Variants in PRKN observed in about 807,000 individuals in gnomAD.
The protein encoded by PRKN is parkin RBR E3 ubiquitin protein ligase.
A neutral mutation model predicts 59.5 loss-of-function variants in PRKN; 56 were observed. That is an observed-to-expected ratio of 0.94 (90% confidence interval 0.76 to 1.18). PRKN has a LOEUF of 1.18. Ranked by LOEUF, PRKN falls within the 50% of genes most tolerant of loss-of-function variation. The pLI, the probability that PRKN is intolerant of heterozygous loss-of-function variation, is 0.00. For missense variants in PRKN, 657 were observed against 596.4 expected, an observed-to-expected ratio of 1.10 and a Z score of -1.06; for synonymous variants, 250 against 222.1, an observed-to-expected ratio of 1.13 and a Z score of -1.12.
intron 1 of PRKN, chr6:162,568,753 G>C (rs1416559130): frequency 1.3e-6 from 1 of 746,508 alleles, no homozygotes; most frequent in Admixed American, 1.7e-5. Context: ...AACAACCCTA[G>C]GGGGCAGCCG....
intron 6 of PRKN, among the ~76,000 whole-genome samples, chr6:161,829,799 T>C (rs974086853): frequency 1.8e-4 from 27 of 148,030 alleles, no homozygotes; most frequent in Non-Finnish European, 3.5e-4. Context: ...CGGGAACCTG[T>C]GTATGAGGAC....
chr6:161,490,360 CCT>C (rs1216539933), intron 9 of PRKN, among the ~76,000 whole-genome samples: 30 of 141,558 alleles, frequency 2.1e-4, no homozygotes, highest in East Asian at 1.7e-3. Flanking sequence ...TCTCTCTCTC[CCT>C]CTCTCTCTCT....
rs1260064578 is a variant in PRKN, at chr6:161,362,301, C to A, written c.1168-2096G>T. ...AAGGAAACCCTTAAAGACAGCAAATCCTCCTGGTTCGGGAGGAAGGAACCT... is the reference window on the plus strand; with the variant it reads ...AAGGAAACCCTTAAAGACAGCAAATACTCCTGGTTCGGGAGGAAGGAACCT... On this transcript the variant is annotated intron_variant, in intron 10 of 11. Coordinates refer to ENST00000366898, the MANE Select transcript of PRKN (RefSeq NM_004562.3). This position sits in a 1 kb window ranked among gnomAD's most constrained non-coding sequence, Gnocchi z 5.2. Among the ~76,000 whole-genome samples the A allele has an allele frequency of 2.0e-5, 3 of 152,190 alleles. No homozygotes were observed. The highest frequency in any genetic ancestry group is 4.4e-5 in the Non-Finnish European group (3 of 68,040).
intron 1 of PRKN, among the ~76,000 whole-genome samples, chr6:162,465,622 A>G (rs957178166): frequency 6.6e-6 from 1 of 152,248 alleles, no homozygotes; most frequent in Non-Finnish European, 1.5e-5. Flanking sequence ...TAATTTCTTT[A>G]GCAATTTCAA....
intron 3 of PRKN, among the ~76,000 whole-genome samples, chr6:162,247,642 ACCAAGG>A (rs1331451013): frequency 2.6e-5 from 4 of 152,186 alleles, no homozygotes; most frequent in Non-Finnish European, 4.4e-5. Context: ...TAGAATTCTT[ACCAAGG>A]CATAGTAAAA....
Position 161,473,038 on chromosome 6 carries a change from G to C in PRKN, c.1083+75816C>G, listed in dbSNP as rs76204453. Among the ~76,000 whole-genome samples the C allele has an allele frequency of 0.011, 1,720 of 152,266 alleles. 35 individuals carry two copies. Among genetic ancestry groups the C allele is most frequent in the African/African-American group, 0.039 (1,633 of 41,558 alleles). ...GGAGAAAAGGGAACCCTGACATGCT[G>C]TTGGTGGGAATGTAAATTGTTGCAG... On this transcript the variant is annotated intron_variant, in intron 9 of 11. Coordinates refer to ENST00000366898, the MANE Select transcript of PRKN (RefSeq NM_004562.3). The surrounding 1 kb of genome is among the most constrained non-coding windows in gnomAD (Gnocchi z 4.1).
At chr6:162,577,919 A>T (rs1282644469) in intron 1 of PRKN, among the ~76,000 whole-genome samples, 1 of 152,122 alleles carries the variant, frequency 6.6e-6, no homozygotes, top group Admixed American at 6.6e-5. Context: ...ATAGAGTGAG[A>T]CTCTGTCTCA....
In PRKN at chr6:162,361,669, T is replaced by TA. The variant is rs879308701; in HGVS notation, c.171+81640dup. On this transcript the variant is annotated intron_variant, in intron 2 of 11. Transcript: ENST00000366898. ...TTGTCTTTTAATTATTCTTTATTTA[T>TA]AAAAAAAGCCACATTGATTTTTGCA... Among the ~76,000 whole-genome samples, 10 of 152,150 alleles carry TA rather than the reference T, an allele frequency of 6.6e-5. 1 individual carries two copies. Among genetic ancestry groups the TA allele is most frequent in the East Asian group, 1.9e-4 (1 of 5,192 alleles).
chr6:162,371,641 T>C (rs763072619), intron 2 of PRKN, among the ~76,000 whole-genome samples: 47 of 152,194 alleles, frequency 3.1e-4, no homozygotes, highest in Non-Finnish European at 5.6e-4. Flanking sequence ...AACCATTCGA[T>C]AAAACTTAGC....
intron 7 of PRKN, among the ~76,000 whole-genome samples, chr6:161,726,137 A>T (rs898236242): frequency 2.0e-5 from 3 of 152,238 alleles, no homozygotes; most frequent in Non-Finnish European, 4.4e-5. Flanking sequence ...TGAGACACTC[A>T]TTCCTGCAGA....
chr6:162,311,996 G>A (rs373455281), intron 2 of PRKN, among the ~76,000 whole-genome samples: 8 of 151,816 alleles, frequency 5.3e-5, no homozygotes, highest in African/African-American at 9.7e-5. Context: ...ATGCATACAC[G>A]TACACACTTA....
intron 7 of PRKN, among the ~76,000 whole-genome samples, chr6:161,726,505 T>C (rs999963555): frequency 6.6e-6 from 1 of 152,232 alleles, no homozygotes; most frequent in African/African-American, 2.4e-5. Context: ...CATGGAGTCA[T>C]CTTGATCTTG....
At chr6:162,686,154 TATAGGAA>T (rs1779969515) in intron 1 of PRKN, among the ~76,000 whole-genome samples, 1 of 152,184 alleles carries the variant, frequency 6.6e-6, no homozygotes, top group African/African-American at 2.4e-5. Context: ...TTCTCTAAAA[TATAGGAA>T]GTGATCAATC....
At chr6:162,253,320 G>A (rs1779516015) in intron 3 of PRKN, among the ~76,000 whole-genome samples, 1 of 102,948 alleles carries the variant, frequency 9.7e-6, no homozygotes, top group African/African-American at 4.5e-5. Flanking sequence ...AATCTAATCT[G>A]TTTCTCCATA....
chr6:161,583,645 C>T (rs2128138723), intron 7 of PRKN, among the ~76,000 whole-genome samples: 1 of 152,076 alleles, frequency 6.6e-6, no homozygotes, highest in African/African-American at 2.4e-5. Context: ...TTTTATGAAT[C>T]ATCTCCTAGA....
At chr6:162,454,748 C>T (rs533083994) in intron 1 of PRKN, among the ~76,000 whole-genome samples, 1 of 152,270 alleles carries the variant, frequency 6.6e-6, no homozygotes, top group East Asian at 1.9e-4. Context: ...AGCTTCCCTT[C>T]GAAATCAACA....
intron 5 of PRKN, among the ~76,000 whole-genome samples, chr6:162,032,688 T>C (rs1465290808): frequency 2.6e-5 from 4 of 152,176 alleles, no homozygotes; most frequent in Non-Finnish European, 5.9e-5. Flanking sequence ...GCAGTATAGC[T>C]AACGGTCACT....
Position 161,401,922 on chromosome 6 carries a change from G to A in PRKN, c.1084-15045C>T, listed in dbSNP as rs1034279524. 1.3e-5 allele frequency among the ~76,000 whole-genome samples: 2 copies of A among 152,168 alleles called. No individual in the cohort carries two copies. Among genetic ancestry groups the A allele is most frequent in the East Asian group, 1.9e-4 (1 of 5,194 alleles). ...TTGTTCACACACCAATCTCTGGAGC[G>A]GAAGCCGTTAATGCTTCTACTTATA... On this transcript the variant is annotated intron_variant, in intron 9 of 11. Transcript: ENST00000366898. The surrounding 1 kb of genome is among the most constrained non-coding windows in gnomAD (Gnocchi z 4.4).
At chr6:161,638,326 G>C (rs1210480307) in intron 7 of PRKN, among the ~76,000 whole-genome samples, 1 of 151,970 alleles carries the variant, frequency 6.6e-6, no homozygotes, top group African/African-American at 2.4e-5. Context: ...GTAGAGATGG[G>C]GTTTCACCAT....
Sources: gnomAD v4.1 joint callset for allele counts (sites outside exome capture counted in the v4.1 genomes callset) on GRCh38, gnomAD v4.1.1 for gene constraint, Gnocchi (gnomAD v3.1) non-coding constraint, MANE v1.5 for transcripts, NCBI Gene and HGNC (gene_info 2026-07-23, HGNC 2026-07-21) for gene names.